Variants in PAF1 observed in about 807,000 individuals in gnomAD.
PAF1 encodes PAF1 component of Paf1/RNA polymerase II complex.
In PAF1, 31 loss-of-function variants were observed where a neutral mutation model predicts 68.4. The ratio of observed to expected loss-of-function variants is 0.45; its 90% CI spans 0.34 to 0.61. The LOEUF (loss-of-function observed/expected upper bound fraction) is 0.61. PAF1 is among the 20% of genes least tolerant of loss of function. The pLI, the probability that PAF1 is intolerant of heterozygous loss-of-function variation, is 0.01. For missense variants in PAF1, 435 were observed against 692.9 expected, an observed-to-expected ratio of 0.63 and a Z score of 4.18; for synonymous variants, 256 against 240.5, an observed-to-expected ratio of 1.06 and a Z score of -0.60.
Position 39,389,317 on chromosome 19 carries a change from G to A in PAF1, c.426C>T (p.Asn142=). ...RKTEYISTEF[N]RYGISNEKPE... The stretch of plus-strand genomic sequence containing the variant: ...GCTTCTCATTGGAGATGCCATAACG[G>A]TTGAACTCAGTGGAGATGTACTCTG... The change falls in exon 6 of 14, where the codon AAC becomes AAT. Residue 142 remains asparagine, a synonymous_variant. Transcript: ENST00000221265. This position sits in a 1 kb window ranked among gnomAD's most constrained non-coding sequence, Gnocchi z 5.3. The A allele has an allele frequency of 6.2e-7, 1 of 1,614,104 alleles. No homozygotes were observed. Among genetic ancestry groups the A allele is most frequent in the Non-Finnish European group, 8.5e-7 (1 of 1,179,994 alleles).
In PAF1 at chr19:39,388,983, T is replaced by A; in HGVS notation, c.600A>T (p.Thr200=). ...ISQHYSKPRV[T]PVEVMPVFPD... is the part of the protein sequence containing the mutation. ...GGAAGACAGGCATGACCTCCACCGG[T>A]GTGACTCGGGGTTTGCTGTAATGCT... Residue 200 remains threonine, a synonymous_variant, in exon 8 of 14, where the codon ACA becomes ACT. Transcript: ENST00000221265. 6.2e-7 allele frequency: 1 copy of A among 1,614,150 alleles called. No homozygotes were observed. The highest frequency in any genetic ancestry group is 1.7e-5 in the Admixed American group (1 of 60,028).
chr19:39,385,947 G>C lies in PAF1; in HGVS notation c.*44C>G. 6.2e-7 allele frequency: 1 copy of C among 1,607,796 alleles called. No homozygotes were observed. The highest frequency in any genetic ancestry group is 8.5e-7 in the Non-Finnish European group (1 of 1,178,614). The stretch of plus-strand genomic sequence containing the variant: ...CAGACCACTAGAAAAGTGCTTTGCT[G>C]CTCACAATAATGGTGTCTGAACCAG... On this transcript the variant is annotated 3_prime_UTR_variant, in exon 14 of 14. Coordinates refer to ENST00000221265, the MANE Select transcript of PAF1 (RefSeq NM_019088.4).
Position 39,390,838 on chromosome 19 carries a change from G to T in PAF1, c.27C>A (p.Ala9=), listed in dbSNP as rs1328173393. 2 of 1,587,984 alleles carry T rather than the reference G, an allele frequency of 1.3e-6. No individual in the cohort carries two copies. The highest frequency in any genetic ancestry group is 1.8e-5 in the Admixed American group (1 of 56,238). The part of the protein sequence containing the change: MAPTIQTQ[A]QREDGHRPNS... ...CCTACCTGTGGCCATCCTCCCGCTG[G>T]GCCTGGGTCTGGATGGTGGGCGCCA... The change falls in exon 1 of 14, where the codon GCC becomes GCA. Residue 9 remains alanine (A), a synonymous_variant. Coordinates refer to ENST00000221265, the MANE Select transcript of PAF1 (RefSeq NM_019088.4).
intron 1 of PAF1, 82 bp downstream of exon 1, chr19:39,390,736 G>C (rs555743064): frequency 1.4e-6 from 2 of 1,427,806 alleles, no homozygotes; most frequent in East Asian, 2.5e-5. Flanking sequence ...GTCACGGGCA[G>C]ACCTGGGGGC....
In PAF1 at chr19:39,386,763, A is replaced by G; in HGVS notation, c.1023T>C (p.Val341=). ...CAAGCAGGGCGTTGGTGCCTGACTG[A>G]ACCCCAGCCTTGGCCCGGCGCTTAC... ...RLSKRRAKAG[V]QSGTNALLVV... Residue 341 remains valine, a synonymous_variant, in exon 12 of 14, where the codon GTT becomes GTC. Transcript: ENST00000221265. The surrounding 1 kb of genome is among the most constrained non-coding windows in gnomAD (Gnocchi z 6.1). 6.2e-7 allele frequency: 1 copy of G among 1,614,110 alleles called. No individual in the cohort carries two copies. The highest frequency in any genetic ancestry group is 8.5e-7 in the Non-Finnish European group (1 of 1,179,974).
At chr19:39,390,770 C>A in intron 1 of PAF1, 48 bp downstream of exon 1, 6 of 1,544,166 alleles carry the variant, frequency 3.9e-6, no homozygotes, top group East Asian at 2.4e-5. Flanking sequence ...CAGCAGAAAC[C>A]CTCTCCCGAT....
At position 39,390,116 on chromosome 19, in the gene PAF1, A is replaced by G; in HGVS notation, c.123T>C (p.Asp41=). 1 of 1,614,064 alleles carries G rather than the reference A, an allele frequency of 6.2e-7. No homozygotes were observed. The highest frequency in any genetic ancestry group is 8.5e-7 in the Non-Finnish European group (1 of 1,179,978). The change falls in exon 3 of 14, where the codon GAT becomes GAC. Residue 41 remains aspartate, a synonymous_variant. Coordinates refer to ENST00000221265, the MANE Select transcript of PAF1 (RefSeq NM_019088.4). The part of the protein sequence containing the change: ...CRVKYCNSLP[D]IPFDPKFITY... Reference sequence around the variant, plus strand: ...TGATGAACTTGGGGTCGAAGGGGATATCAGGGAGGCTATTGCAGTACTTGA... The same window carrying G: ...TGATGAACTTGGGGTCGAAGGGGATGTCAGGGAGGCTATTGCAGTACTTGA...
At position 39,388,686 on chromosome 19, in the gene PAF1, G is replaced by A. The variant is rs767548014; in HGVS notation, c.741-10C>T. On this transcript the variant is annotated splice_polypyrimidine_tract_variant and intron_variant, in intron 9 of 13. Coordinates refer to ENST00000221265, the MANE Select transcript of PAF1 (RefSeq NM_019088.4). ...CTCATCCATCATGCCCCTGGTTGGG[G>A]GAAAAGGAGTAGCAATGAAGTGTGA... The A allele has an allele frequency of 1.9e-6, 3 of 1,613,390 alleles. No homozygotes were observed. Among genetic ancestry groups the A allele is most frequent in the East Asian group, 2.2e-5 (1 of 44,880 alleles).
chr19:39,390,707 A>C (rs921670258), intron 1 of PAF1, 111 bp downstream of exon 1: 1 of 1,169,682 alleles, frequency 8.5e-7, no homozygotes, highest in African/African-American at 1.5e-5. Context: ...CCCTTCGTCA[A>C]AGGTGAGCGC....
At position 39,385,915 on chromosome 19, in the gene PAF1, T is replaced by C; in HGVS notation, c.*76A>G. The C allele has an allele frequency of 6.3e-7, 1 of 1,579,516 alleles. No homozygotes were observed. Among genetic ancestry groups the C allele is most frequent in the Non-Finnish European group, 8.6e-7 (1 of 1,166,328 alleles). On this transcript the variant is annotated 3_prime_UTR_variant, in exon 14 of 14. Coordinates refer to ENST00000221265, the MANE Select transcript of PAF1 (RefSeq NM_019088.4). ...GGTGGGGAACAAACAAGTGAAAGGC[T>C]CACAAACAGACCACTAGAAAAGTGC... is the stretch of plus-strand genomic sequence containing the variant.
At chr19:39,390,405 G>T in intron 1 of PAF1, 116 bp from the exon 2 acceptor site, 1 of 987,756 alleles carries the variant, frequency 1.0e-6, no homozygotes, top group South Asian at 1.4e-5. Context: ...GGTTTCTTTG[G>T]GTGGTGGTGT....
In PAF1 at chr19:39,386,886, G is replaced by A; in HGVS notation, c.987-87C>T. On this transcript the variant is annotated intron_variant, in intron 11 of 13. Transcript: ENST00000221265. This position sits in a 1 kb window ranked among gnomAD's most constrained non-coding sequence, Gnocchi z 6.1. ...TCCCCGCCCCCCAGTGAGGGGTCTG[G>A]TCTGACTTGGTTCCCCATCAATACT... 1.2e-6 allele frequency: 1 copy of A among 856,700 alleles called. No homozygotes were observed. Among genetic ancestry groups the A allele is most frequent in the Non-Finnish European group, 2.0e-6 (1 of 501,952 alleles). 53.1% of individuals were successfully genotyped at this position (856,700 alleles called of 1,614,324 possible).
At chr19:39,388,533 C>T in intron 10 of PAF1, 27 bp downstream of exon 10, 1 of 1,613,558 alleles carries the variant, frequency 6.2e-7, no homozygotes, top group Non-Finnish European at 8.5e-7. Flanking sequence ...CTTCCCAATC[C>T]CCAAAACTTA....
In PAF1 at chr19:39,389,292, G is replaced by T; in HGVS notation, c.451C>A (p.Pro151Thr). ...FNRYGISNEK[P>T]EVKIGVSVKQ... ...CTGTTAGTAACTTACTTGACCTCAGGCTTCTCATTGGAGATGCCATAACGG... is the reference window on the plus strand; with the variant it reads ...CTGTTAGTAACTTACTTGACCTCAGTCTTCTCATTGGAGATGCCATAACGG... The change falls in exon 6 of 14, where the codon CCT becomes ACT. Residue 151 changes from proline (P) to threonine (T), a missense_variant. This residue lies in a region of PAF1 where 151 missense variants were observed against 306.3 expected (regional missense o/e 0.49). Transcript: ENST00000221265. The surrounding 1 kb of genome is among the most constrained non-coding windows in gnomAD (Gnocchi z 5.3). 6.2e-7 allele frequency: 1 copy of T among 1,613,748 alleles called. No homozygotes were observed. Among genetic ancestry groups the T allele is most frequent in the Non-Finnish European group, 8.5e-7 (1 of 1,179,668 alleles).
chr19:39,385,642 C>G lies in PAF1; in HGVS notation c.*349G>C, dbSNP rs1484473414. The G allele has an allele frequency of 2.0e-6, 1 of 509,404 alleles. No homozygotes were observed. Among genetic ancestry groups the G allele is most frequent in the Non-Finnish European group, 3.4e-6 (1 of 291,730 alleles). 31.6% of individuals were successfully genotyped at this position (509,404 alleles called of 1,614,324 possible). On this transcript the variant is annotated 3_prime_UTR_variant, in exon 14 of 14. Transcript: ENST00000221265. Reference sequence around the variant, plus strand: ...GGAGAAGACTTATTTGTTGGAGTTTCACTTGTTTAATGGTCTGGGCTTATT... The same window carrying G: ...GGAGAAGACTTATTTGTTGGAGTTTGACTTGTTTAATGGTCTGGGCTTATT...
Position 39,389,437 on chromosome 19 carries a change from C to A in PAF1, c.359+43G>T. The A allele has an allele frequency of 6.2e-7, 1 of 1,611,410 alleles. No individual in the cohort carries two copies. Among genetic ancestry groups the A allele is most frequent in the Non-Finnish European group, 8.5e-7 (1 of 1,177,626 alleles). On this transcript the variant is annotated intron_variant, in intron 5 of 13. Transcript: ENST00000221265. The surrounding 1 kb of genome is among the most constrained non-coding windows in gnomAD (Gnocchi z 5.3). ...CCCCACTGCCCTCCTGCTTGTAGGGCCCACCTGAGCCAGTCTCCAGTACCC... is the reference window on the plus strand; with the variant it reads ...CCCCACTGCCCTCCTGCTTGTAGGGACCACCTGAGCCAGTCTCCAGTACCC...
At position 39,385,931 on chromosome 19, in the gene PAF1, AGAAAAGTGCT is replaced by A. The variant is rs1430794818; in HGVS notation, c.*50_*59del. The A allele has an allele frequency of 6.3e-7, 1 of 1,598,994 alleles. No individual in the cohort carries two copies. Among genetic ancestry groups the A allele is most frequent in the South Asian group, 1.1e-5 (1 of 90,350 alleles). On this transcript the variant is annotated 3_prime_UTR_variant, in exon 14 of 14. Transcript: ENST00000221265. ...GTGAAAGGCTCACAAACAGACCACT[AGAAAAGTGCT>A]TTGCTGCTCACAATAATGGTGTCTG...
At chr19:39,387,634 G>A (rs1352698586) in intron 11 of PAF1, among the ~76,000 whole-genome samples, 1 of 152,190 alleles carries the variant, frequency 6.6e-6, no homozygotes, top group African/African-American at 2.4e-5. Context: ...TACACCAGAG[G>A]TGCTGGCATA....
In PAF1 at chr19:39,386,371, T is replaced by C. The variant is rs1223826752; in HGVS notation, c.1216A>G (p.Lys406Glu). The C allele has an allele frequency of 2.5e-6, 4 of 1,614,100 alleles. No individual in the cohort carries two copies. Among genetic ancestry groups the C allele is most frequent in the South Asian group, 1.1e-5 (1 of 91,076 alleles). Residue 406 changes from lysine to glutamate, a missense_variant, in exon 14 of 14, where the codon AAG becomes GAG. By Grantham distance (56) the Lys-to-Glu change is moderately conservative. Transcript: ENST00000221265. This position sits in a 1 kb window ranked among gnomAD's most constrained non-coding sequence, Gnocchi z 6.1. The part of the protein sequence containing the change: ...EEQEKGSSSE[K>E]EGSEDEHSGS... ...GAGTGCTCATCTTCACTGCCCTCCT[T>C]CTCACTGCTGCTGCCCTTCTCCTGC...
Sources: allele counts gnomAD v4.1 joint callset (sites outside exome capture counted in the v4.1 genomes callset), GRCh38; gene constraint gnomAD v4.1.1; regional missense constraint gnomAD v4.1.1; non-coding constraint Gnocchi (gnomAD v3.1); transcripts MANE v1.5; gene names NCBI Gene and HGNC (gene_info 2026-07-23, HGNC 2026-07-21).